Variants in FOXO1 observed in about 807,000 individuals in gnomAD.
FOXO1 encodes forkhead box protein O1.
In FOXO1, 6 loss-of-function variants were observed where a neutral mutation model predicts 44.1. The observed-to-expected ratio is 0.14, with a 90% CI of 0.07 to 0.27. The LOEUF is 0.27. FOXO1 is among the 10% of genes least tolerant of loss of function. FOXO1 has a pLI of 1.00. For missense variants in FOXO1, 737 were observed against 888.8 expected (o/e 0.83, Z 2.17); for synonymous variants, 380 against 362.7 (o/e 1.05, Z -0.54).
chr13:40,583,973 G>A (rs1439789880), intron 1 of FOXO1, among the ~76,000 whole-genome samples: 2 of 152,114 alleles, frequency 1.3e-5, no homozygotes, highest in Non-Finnish European at 2.9e-5. Context: ...GAGATCAGAT[G>A]GTGTGACTCT....
intron 1 of FOXO1, among the ~76,000 whole-genome samples, chr13:40,636,130 G>A (rs1159375645): frequency 1.3e-5 from 2 of 151,972 alleles, no homozygotes; most frequent in African/African-American, 2.4e-5. Flanking sequence ...CAGGAGAATC[G>A]CTTGAACCTG....
intron 1 of FOXO1, among the ~76,000 whole-genome samples, chr13:40,618,114 T>C (rs1173157937): frequency 6.6e-6 from 1 of 152,204 alleles, no homozygotes; most frequent in African/African-American, 2.4e-5. Flanking sequence ...GTCCCAGCTC[T>C]GTCACCCAGG....
chr13:40,562,995 G>A (rs2137826516), intron 1 of FOXO1, among the ~76,000 whole-genome samples: 1 of 152,354 alleles, frequency 6.6e-6, no homozygotes, highest in East Asian at 1.9e-4. Flanking sequence ...CCCAAGGAGT[G>A]GGATTCTGGG....
At chr13:40,581,280 G>A (rs1162862061) in intron 1 of FOXO1, among the ~76,000 whole-genome samples, 2 of 152,182 alleles carry the variant, frequency 1.3e-5, no homozygotes, top group Non-Finnish European at 2.9e-5. Flanking sequence ...CTTGTTGCTG[G>A]AACACATGCC....
intron 1 of FOXO1, among the ~76,000 whole-genome samples, chr13:40,633,471 G>A (rs564471691): frequency 8.5e-5 from 13 of 152,248 alleles, no homozygotes; most frequent in Admixed American, 3.9e-4. Context: ...ATGCTACCAC[G>A]GGAATAAACC....
chr13:40,634,260 G>C (rs1877068181), intron 1 of FOXO1, among the ~76,000 whole-genome samples: 1 of 152,076 alleles, frequency 6.6e-6, no homozygotes, highest in Admixed American at 6.5e-5. Flanking sequence ...CTTTGTGTTG[G>C]ACTAATCTGC....
intron 1 of FOXO1, among the ~76,000 whole-genome samples, chr13:40,581,599 T>C (rs904607123): frequency 4.6e-5 from 7 of 152,186 alleles, no homozygotes; most frequent in Non-Finnish European, 1.0e-4. Context: ...TCAAATCAAC[T>C]AGTTTCCCAC....
intron 1 of FOXO1, among the ~76,000 whole-genome samples, chr13:40,658,445 G>A (rs1877929754): frequency 6.6e-6 from 1 of 152,172 alleles, no homozygotes; most frequent in Admixed American, 6.5e-5. Flanking sequence ...CTGAGGGCAG[G>A]GGGAAATACA....
chr13:40,588,667 G>A (rs1268083833), intron 1 of FOXO1, among the ~76,000 whole-genome samples: 1 of 152,128 alleles, frequency 6.6e-6, no homozygotes, highest in African/African-American at 2.4e-5. Context: ...CCCCGGCAGA[G>A]GCCCCAGCCT....
intron 1 of FOXO1, among the ~76,000 whole-genome samples, chr13:40,625,635 T>C (rs1420556850): frequency 3.3e-5 from 5 of 150,730 alleles, no homozygotes; most frequent in South Asian, 4.2e-4. Context: ...TATTCCTTTA[T>C]TTTAATAAAC....
intron 1 of FOXO1, among the ~76,000 whole-genome samples, chr13:40,655,637 CTTTTTTT>C (rs774180443): frequency 1.1e-4 from 11 of 101,318 alleles, no homozygotes; most frequent in African/African-American, 1.6e-4. Flanking sequence ...TTCTACACTT[CTTTTTTT>C]TTTTTTTTTT....
intron 1 of FOXO1, chr13:40,618,889 G>A: frequency 1.9e-6 from 1 of 525,856 alleles, no homozygotes; most frequent in Admixed American, 1.9e-5. Flanking sequence ...GCTTATGAGA[G>A]GACCATAATC....
rs1487900133 is a variant in FOXO1, at chr13:40,603,339, T to G, written c.631-42479A>C. On this transcript the variant is annotated intron_variant, in intron 1 of 2. Coordinates refer to ENST00000379561, the MANE Select transcript of FOXO1 (RefSeq NM_002015.4). Reference sequence around the variant, plus strand: ...AATCCAAACCAGATGGAGACCCTAGTTGGCAGATGAATCCAAAAAAAAAAA... The same window carrying G: ...AATCCAAACCAGATGGAGACCCTAGGTGGCAGATGAATCCAAAAAAAAAAA... Among the ~76,000 whole-genome samples, 10 of 139,258 alleles carry G rather than the reference T, an allele frequency of 7.2e-5. 2 individuals are homozygous for G. Among genetic ancestry groups the G allele is most frequent in the African/African-American group, 2.7e-4 (10 of 36,508 alleles). 91.4% of individuals were successfully genotyped at this position (139,258 alleles called of 152,430 possible). A position where few individuals can be genotyped will look rare whatever the true frequency, so the allele number is the denominator to read the frequency against.
intron 1 of FOXO1, among the ~76,000 whole-genome samples, chr13:40,571,653 C>T (rs1317507434): frequency 3.3e-5 from 5 of 152,116 alleles, no homozygotes; most frequent in South Asian, 2.1e-4. Context: ...TTGCTGCTTC[C>T]GCCTAATGGC....
chr13:40,606,396 G>A (rs1876001294), intron 1 of FOXO1, among the ~76,000 whole-genome samples: 1 of 152,038 alleles, frequency 6.6e-6, no homozygotes, highest in South Asian at 2.1e-4. Context: ...TGCAACCTCT[G>A]CCTCCTAGAT....
At position 40,558,924 on chromosome 13, in the gene FOXO1, T is replaced by G. The variant is rs541965979; in HGVS notation, c.*125A>C. ...AAAGGAAAAAAGGAGGGTTTTTTTT[T>G]TTGTTTTTTTTTTTAACCAAGAAAA... On this transcript the variant is annotated 3_prime_UTR_variant, in exon 3 of 3. Transcript: ENST00000379561. 4.9e-5 allele frequency: 18 copies of G among 364,390 alleles called. No individual in the cohort carries two copies. The highest frequency in any genetic ancestry group is 8.0e-5 in the East Asian group (2 of 25,152). 22.6% of individuals were successfully genotyped at this position (364,390 alleles called of 1,614,324 possible). A position where few individuals can be genotyped will look rare whatever the true frequency, so the allele number is the denominator to read the frequency against.
Position 40,665,926 on chromosome 13 carries a change from GCCGCCA to G in FOXO1, c.281_286del (p.Val94_Ala95del). The G allele has an allele frequency of 3.3e-6, 4 of 1,206,970 alleles. No homozygotes were observed. The highest frequency in any genetic ancestry group is 1.6e-5 in the African/African-American group (1 of 62,846). The allele number at this position is 1,206,970 out of a possible 1,614,324, so 74.8% of individuals were successfully genotyped here. A position where few individuals can be genotyped will look rare whatever the true frequency, so the allele number is the denominator to read the frequency against. ...CCCGGTGGCGGCCGCGGCGGCCGCCGCCGCCACCGCCGCCGCCACGGAGCCGGGCGC... is the reference window on the plus strand; with the variant it reads ...CCCGGTGGCGGCCGCGGCGGCCGCCGCCGCCGCCGCCACGGAGCCGGGCGC... On this transcript the variant is annotated inframe_deletion, in exon 1 of 3. Transcript: ENST00000379561.
chr13:40,657,583 C>T (rs1238070726), intron 1 of FOXO1, among the ~76,000 whole-genome samples: 1 of 152,170 alleles, frequency 6.6e-6, no homozygotes, highest in Non-Finnish European at 1.5e-5. Flanking sequence ...ATCTGCCCAC[C>T]TTGGCCTCCC....
At chr13:40,599,910 G>A (rs796944804) in intron 1 of FOXO1, among the ~76,000 whole-genome samples, 2 of 152,174 alleles carry the variant, frequency 1.3e-5, no homozygotes, top group Non-Finnish European at 2.9e-5. Flanking sequence ...CAGAGTGAAG[G>A]AGGAAACTGG....
Sources: allele counts gnomAD v4.1 joint callset (sites outside exome capture counted in the v4.1 genomes callset), GRCh38; gene constraint gnomAD v4.1.1; transcripts MANE v1.5; gene names NCBI Gene and HGNC (gene_info 2026-07-23, HGNC 2026-07-21).